Variants in SEMA5A observed in about 807,000 individuals in gnomAD.
SEMA5A encodes semaphorin 5A.
In SEMA5A, 55 loss-of-function variants were observed where a neutral mutation model predicts 135.5. The observed-to-expected ratio is 0.41, with a 90% confidence interval of 0.33 to 0.51. The LOEUF (loss-of-function observed/expected upper bound fraction) is 0.51, where lower values mean the gene tolerates loss of function less well. SEMA5A is among the 20% of genes least tolerant of loss of function. The pLI is 0.37. For missense variants in SEMA5A, 1,290 were observed against 1,419.9 expected, an observed-to-expected ratio of 0.91 and a Z score of 1.47; for synonymous variants, 580 against 546.5, an observed-to-expected ratio of 1.06 and a Z score of -0.85.
intron 2 of SEMA5A, among the ~76,000 whole-genome samples, chr5:9,423,330 GATGAAA>G (rs1241494356): frequency 6.6e-6 from 1 of 152,162 alleles, no homozygotes; most frequent in Non-Finnish European, 1.5e-5. Context: ...TGATCCACTG[GATGAAA>G]ATGACTTATC....
intron 3 of SEMA5A, among the ~76,000 whole-genome samples, chr5:9,353,094 G>GGA (rs1554023560): frequency 0.15 from 5,383 of 37,076 alleles, 1,348 homozygotes; most frequent in Non-Finnish European, 0.18. Flanking sequence ...GAAAGGAAAG[G>GGA]AAGGAAGGAA....
intron 16 of SEMA5A, among the ~76,000 whole-genome samples, chr5:9,070,153 C>T (rs1737697094): frequency 6.6e-6 from 1 of 152,144 alleles, no homozygotes; most frequent in African/African-American, 2.4e-5. Context: ...GGCGGATCAC[C>T]TGAGGTCAGG....
At chr5:9,342,601 T>C (rs1579377694) in intron 3 of SEMA5A, among the ~76,000 whole-genome samples, 2 of 152,288 alleles carry the variant, frequency 1.3e-5, no homozygotes, top group East Asian at 3.9e-4. Flanking sequence ...GTACAGTATG[T>C]AGAAATACAA....
chr5:9,449,630 C>G (rs980825559), intron 1 of SEMA5A, among the ~76,000 whole-genome samples: 25 of 151,912 alleles, frequency 1.6e-4, no homozygotes, highest in Admixed American at 1.6e-3. Flanking sequence ...TCATTTTTAT[C>G]TCAGAATGTG....
At chr5:9,350,862 C>T (rs567548513) in intron 3 of SEMA5A, among the ~76,000 whole-genome samples, 1 of 152,318 alleles carries the variant, frequency 6.6e-6, no homozygotes, top group African/African-American at 2.4e-5. Flanking sequence ...TCTACCCCAT[C>T]ACTGTAATCA....
At chr5:9,086,886 C>G (rs1479524929) in intron 16 of SEMA5A, among the ~76,000 whole-genome samples, 1 of 152,094 alleles carries the variant, frequency 6.6e-6, no homozygotes, top group African/African-American at 2.4e-5. Context: ...ACTATTAATG[C>G]ATTTGATTTT....
chr5:9,308,123 T>C (rs1228231188), intron 5 of SEMA5A, among the ~76,000 whole-genome samples: 6 of 152,182 alleles, frequency 3.9e-5, no homozygotes, highest in Admixed American at 2.0e-4. Flanking sequence ...AAGAAAACTC[T>C]AAGTAAGATA....
At chr5:9,520,232 G>A (rs937924045) in intron 1 of SEMA5A, among the ~76,000 whole-genome samples, 1 of 152,212 alleles carries the variant, frequency 6.6e-6, no homozygotes, top group African/African-American at 2.4e-5. Context: ...CTCCAGGCCA[G>A]GCACTGTTGT....
chr5:9,045,379 C>G (rs1423211905), intron 21 of SEMA5A, among the ~76,000 whole-genome samples: 1 of 152,198 alleles, frequency 6.6e-6, no homozygotes, highest in Non-Finnish European at 1.5e-5. Context: ...TTTTAGCTCT[C>G]TCTCCATTTC....
At chr5:9,269,144 C>A (rs1749837569) in intron 5 of SEMA5A, among the ~76,000 whole-genome samples, 2 of 152,022 alleles carry the variant, frequency 1.3e-5, no homozygotes, top group Admixed American at 1.3e-4. Flanking sequence ...GAGCCTCATG[C>A]CTCTAATTTG....
chr5:9,179,873 A>G (rs1744407817), intron 11 of SEMA5A, among the ~76,000 whole-genome samples: 2 of 152,206 alleles, frequency 1.3e-5, no homozygotes, highest in Non-Finnish European at 2.9e-5. Flanking sequence ...GCTGCAATAA[A>G]GTACCATGTT....
At position 9,197,131 on chromosome 5, in the gene SEMA5A, G is replaced by A. The variant is rs750530994; in HGVS notation, c.1068+37C>T. On this transcript the variant is annotated intron_variant, in intron 10 of 22. Coordinates refer to ENST00000382496, the MANE Select transcript of SEMA5A (RefSeq NM_003966.3). ...ACAAGGCTTCTGCATTCTTCATGGG[G>A]GATGCCAACAGTGCCCCTTTGCCCC... 3.1e-6 allele frequency: 5 copies of A among 1,613,120 alleles called. No individual in the cohort carries two copies. In the Admixed American group the frequency reaches 6.7e-5, roughly 22 times the overall value.
At chr5:9,098,737 C>T (rs145647021) in intron 16 of SEMA5A, among the ~76,000 whole-genome samples, 1 of 152,132 alleles carries the variant, frequency 6.6e-6, no homozygotes, top group Non-Finnish European at 1.5e-5. Flanking sequence ...AAATTGTGGC[C>T]ATTTAGTAGA....
chr5:9,323,119 T>C (rs979063313), intron 4 of SEMA5A, among the ~76,000 whole-genome samples: 3 of 152,184 alleles, frequency 2.0e-5, no homozygotes, highest in Non-Finnish European at 2.9e-5. Flanking sequence ...TCCCTGCCCA[T>C]ACCTAATTCT....
At chr5:9,353,329 AAAGGAAATGAAAGGAAAGGAAAGGG>A (rs1754283208) in intron 3 of SEMA5A, among the ~76,000 whole-genome samples, 9 of 126,590 alleles carry the variant, frequency 7.1e-5, no homozygotes, top group Admixed American at 1.6e-4. Context: ...GAAGGAAAGG[AAAGGAAATGAAAGGAAAGGAAAGGG>A]AAGGAAAGGA....
chr5:9,172,402 G>A (rs1743974819), intron 11 of SEMA5A, among the ~76,000 whole-genome samples: 1 of 152,128 alleles, frequency 6.6e-6, no homozygotes, highest in Non-Finnish European at 1.5e-5. Context: ...CTATGAATCA[G>A]TGTTCTTCCG....
intron 16 of SEMA5A, among the ~76,000 whole-genome samples, chr5:9,079,912 GA>G (rs1290240851): frequency 6.6e-6 from 1 of 152,208 alleles, no homozygotes; most frequent in Non-Finnish European, 1.5e-5. Context: ...TGCTAGAGAG[GA>G]TGTGGAGAAA....
chr5:9,353,101 G>A (rs1445620857), intron 3 of SEMA5A, among the ~76,000 whole-genome samples: 2 of 10,582 alleles, frequency 1.9e-4, no homozygotes, highest in African/African-American at 5.6e-4. Context: ...AAGGAAGGAA[G>A]GAAAGGAAAG....
chr5:9,495,274 A>G (rs948149518), intron 1 of SEMA5A, among the ~76,000 whole-genome samples: 4 of 152,182 alleles, frequency 2.6e-5, no homozygotes, highest in African/African-American at 9.7e-5. Flanking sequence ...TGTGTCCACA[A>G]TAGGAGTTTC....
Sources: gnomAD v4.1 joint callset for allele counts (sites outside exome capture counted in the v4.1 genomes callset) on GRCh38, gnomAD v4.1.1 for gene constraint, MANE v1.5 for transcripts, NCBI Gene and HGNC (gene_info 2026-07-23, HGNC 2026-07-21) for gene names.